Variants in UBE2S observed in about 807,000 individuals in gnomAD.
The protein encoded by UBE2S is ubiquitin conjugating enzyme E2 S.
In UBE2S, 3 loss-of-function variants were observed where a neutral mutation model predicts 12.3. That is an observed-to-expected ratio of 0.24 (90% CI 0.11 to 0.63). The LOEUF (loss-of-function observed/expected upper bound fraction) is 0.63. Among genes scored for constraint, UBE2S ranks in the 30% least tolerant of loss-of-function variants. The probability of loss-of-function intolerance (pLI) is 0.85; values close to 1 mark genes in which losing one functional copy is unlikely to be tolerated. For synonymous variants in UBE2S, 133 were observed against 142.0 expected (o/e 0.94, Z 0.45); for missense variants, 211 against 313.9 (o/e 0.67, Z 2.48).
intron 1 of UBE2S, among the ~76,000 whole-genome samples, 173 bp downstream of exon 1, chr19:55,407,414 C>A (rs941736733): frequency 1.2e-4 from 18 of 152,138 alleles, no homozygotes; most frequent in Non-Finnish European, 2.6e-4. Context: ...AGACTGCGGG[C>A]CGCCCGAGCT....
intron 3 of UBE2S, chr19:55,402,901 CA>C: frequency 6.6e-7 from 1 of 1,505,792 alleles, no homozygotes; most frequent in South Asian, 1.2e-5. Context: ...CCATGTGCCC[CA>C]GGGACTCATT....
intron 2 of UBE2S, among the ~76,000 whole-genome samples, chr19:55,405,315 C>T (rs1415571996): frequency 6.6e-6 from 1 of 151,642 alleles, no homozygotes. Flanking sequence ...CGAGACCAGC[C>T]TGGCCAACAT....
Position 55,404,820 on chromosome 19 carries a change from C to T in UBE2S, c.152-342G>A, listed in dbSNP as rs1458475745. Among the ~76,000 whole-genome samples, 1 of 152,116 alleles carries T rather than the reference C, an allele frequency of 6.6e-6. No homozygotes were observed. The highest frequency in any genetic ancestry group is 1.5e-5 in the Non-Finnish European group (1 of 68,006). On this transcript the variant is annotated intron_variant, in intron 2 of 3. Transcript: ENST00000264552. The surrounding 1 kb of genome is among the most constrained non-coding windows in gnomAD (Gnocchi z 4.4). ...GTCTCACTATGTTGCCCAAGCTGGT[C>T]TTGCACTCCTAGGCTCAAGCAATTT...
intron 2 of UBE2S, among the ~76,000 whole-genome samples, 195 bp downstream of exon 2, chr19:55,406,620 A>G (rs2090097603): frequency 6.6e-6 from 1 of 152,224 alleles, no homozygotes. Context: ...TACTAACTCA[A>G]TGACCAGATA....
At chr19:55,406,020 C>T (rs183559016) in intron 2 of UBE2S, among the ~76,000 whole-genome samples, 18 of 152,320 alleles carry the variant, frequency 1.2e-4, no homozygotes, top group Admixed American at 1.2e-3. Flanking sequence ...TTAAACCTTC[C>T]ACCAGCTTCC....
At chr19:55,403,657 G>C (rs926639488) in intron 3 of UBE2S, among the ~76,000 whole-genome samples, 1 of 151,914 alleles carries the variant, frequency 6.6e-6, no homozygotes, top group South Asian at 2.1e-4. Context: ...TTGGGAGGCC[G>C]AGGTGGGAGG....
At position 55,401,755 on chromosome 19, in the gene UBE2S, T is replaced by C. The variant is rs573318166; in HGVS notation, c.350A>G (p.Lys117Arg). ...GGGGTTAGGGTGGATCAGCAGGCAC[T>C]TGATGGTCTGTGGGAAGAGGCTCAG... ...LGIRHVLLTIKCLLIHPNPES... is the reference protein window; with the variant it reads ...LGIRHVLLTIRCLLIHPNPES... The change falls in exon 4 of 4, where the codon AAG becomes AGG. Residue 117 changes from lysine (K) to arginine (R), a missense_variant. Physicochemically the swap from Lys to Arg is conservative, Grantham distance 26. Transcript: ENST00000264552. 6.6e-5 allele frequency: 106 copies of C among 1,613,148 alleles called. No homozygotes were observed. Among genetic ancestry groups the C allele is most frequent in the Admixed American group, 2.5e-4 (15 of 60,028 alleles).
rs375704529 is a variant in UBE2S at position 55,404,536 on chromosome 19, C to T, written c.152-58G>A. ...ACTCAGGAGTCCCAAGGCACCTCAA[C>T]ACCCCAAAGTCCAGTCTCCACGGTC... is the stretch of plus-strand genomic sequence containing the variant. On this transcript the variant is annotated intron_variant, in intron 2 of 3. Transcript: ENST00000264552. The surrounding 1 kb of genome is among the most constrained non-coding windows in gnomAD (Gnocchi z 4.4). 2.0e-6 allele frequency: 3 copies of T among 1,476,784 alleles called. No homozygotes were observed. The highest frequency in any genetic ancestry group is 9.1e-7 in the Non-Finnish European group (1 of 1,094,722). The allele number at this position is 1,476,784 out of a possible 1,614,324, so 91.5% of individuals were successfully genotyped here.
intron 1 of UBE2S, 62 bp downstream of exon 1, chr19:55,407,525 C>T: frequency 6.6e-7 from 1 of 1,516,454 alleles, no homozygotes; most frequent in Non-Finnish European, 8.8e-7. Context: ...GCCCCTGAGA[C>T]TCCACCTCCT....
intron 3 of UBE2S, chr19:55,402,964 C>T (rs577437951): frequency 2.0e-6 from 3 of 1,533,894 alleles, no homozygotes; most frequent in African/African-American, 1.4e-5. Flanking sequence ...GGTTGGGAGG[C>T]AGCAGGCTGT....
chr19:55,401,006 G>T lies in UBE2S; in HGVS notation c.*430C>A. The stretch of plus-strand genomic sequence containing the variant: ...CGTGGCCATTATTCTAGAGGGAGAA[G>T]TATAGGGCAGTGCCGCTCAGGCCAC... On this transcript the variant is annotated 3_prime_UTR_variant, in exon 4 of 4. Coordinates refer to ENST00000264552, the MANE Select transcript of UBE2S (RefSeq NM_014501.3). 1 of 193,150 alleles carries T rather than the reference G, an allele frequency of 5.2e-6. No homozygotes were observed. Among genetic ancestry groups the T allele is most frequent in the South Asian group, 8.7e-5 (1 of 11,460 alleles). The allele number at this position is 193,150 out of a possible 1,614,324, so 12.0% of individuals were successfully genotyped here.
At chr19:55,402,836 G>A in intron 3 of UBE2S, 4 of 912,052 alleles carry the variant, frequency 4.4e-6, no homozygotes, top group Non-Finnish European at 6.5e-6. Context: ...GTTTACCTTG[G>A]AGCTCAATCC....
rs970279716 is a variant in UBE2S at position 55,401,694 on chromosome 19, G to C, written c.411C>G (p.Leu137=). The change falls in exon 4 of 4, where the codon CTC becomes CTG. Residue 137 remains leucine (L), a synonymous_variant. Coordinates refer to ENST00000264552, the MANE Select transcript of UBE2S (RefSeq NM_014501.3). ...SALNEEAGRL[L]LENYEEYAAR... ...CCGCATACTCCTCGTAGTTCTCCAAGAGCAGGCGGCCCGCCTCCTCGTTGA... is the reference window on the plus strand; with the variant it reads ...CCGCATACTCCTCGTAGTTCTCCAACAGCAGGCGGCCCGCCTCCTCGTTGA... 1 of 1,613,136 alleles carries C rather than the reference G, an allele frequency of 6.2e-7. No individual in the cohort carries two copies. The highest frequency in any genetic ancestry group is 1.7e-5 in the Admixed American group (1 of 60,004).
chr19:55,407,354 G>GT (rs2090103388), intron 1 of UBE2S, among the ~76,000 whole-genome samples: 1 of 152,134 alleles, frequency 6.6e-6, no homozygotes, highest in African/African-American at 2.4e-5. Context: ...CTTGCTCCTG[G>GT]TAACACCCAT....
At chr19:55,402,438 C>T (rs764276849) in intron 3 of UBE2S, among the ~76,000 whole-genome samples, 3 of 152,176 alleles carry the variant, frequency 2.0e-5, no homozygotes, top group Non-Finnish European at 2.9e-5. Context: ...CTTCACAGCC[C>T]GTCCTGAGGG....
Position 55,407,053 on chromosome 19 carries a change from T to C in UBE2S, c.4-91A>G. The stretch of plus-strand genomic sequence containing the variant: ...ATGCTGAGACTGCCCAAGTCTTGAC[T>C]CAGTGGCCCCAGGCTGTCAATCACC... On this transcript the variant is annotated intron_variant, in intron 1 of 3. Coordinates refer to ENST00000264552, the MANE Select transcript of UBE2S (RefSeq NM_014501.3). The C allele has an allele frequency of 2.7e-6, 4 of 1,483,380 alleles. No homozygotes were observed. The South Asian group carries it at 3.9e-5, about 14-fold the overall frequency. The allele number at this position is 1,483,380 out of a possible 1,614,324, so 91.9% of individuals were successfully genotyped here. A position where few individuals can be genotyped will look rare whatever the true frequency, so the allele number is the denominator to read the frequency against.
intron 3 of UBE2S, chr19:55,403,015 C>T (rs2090072633): frequency 2.0e-6 from 3 of 1,520,942 alleles, no homozygotes; most frequent in East Asian, 4.9e-5. Flanking sequence ...ACGCCTCCAC[C>T]TCAGCAACAC....
At chr19:55,407,448 C>G (rs2090103891) in intron 1 of UBE2S, 139 bp downstream of exon 1, 2 of 975,348 alleles carry the variant, frequency 2.1e-6, no homozygotes, top group Non-Finnish European at 2.9e-6. Context: ...CGGGAAGGCC[C>G]TCGGGCCCAT....
chr19:55,401,798 C>T (rs751529389), intron 3 of UBE2S, 36 bp from the exon 4 acceptor site: 23 of 1,610,132 alleles, frequency 1.4e-5, no homozygotes, highest in Admixed American at 5.0e-5. Context: ...GTGGGTCGGG[C>T]AACCTACAGG....
Sources: allele counts gnomAD v4.1 joint callset (sites outside exome capture counted in the v4.1 genomes callset), GRCh38; gene constraint gnomAD v4.1.1; non-coding constraint Gnocchi (gnomAD v3.1); transcripts MANE v1.5; gene names NCBI Gene and HGNC (gene_info 2026-07-23, HGNC 2026-07-21).